Variants in MECOM observed in about 807,000 individuals in gnomAD.
The protein encoded by MECOM is MDS1 and EVI1 complex locus, also known as histone-lysine N-methyltransferase MECOM.
A neutral mutation model predicts 116.3 loss-of-function variants in MECOM; 13 were observed. That is an observed-to-expected ratio of 0.11 (90% CI 0.07 to 0.18). The LOEUF is 0.18. Ranked by LOEUF, MECOM falls within the 10% of genes least tolerant of loss-of-function variation. The probability of loss-of-function intolerance (pLI) is 1.00; values close to 1 mark genes in which losing one functional copy is unlikely to be tolerated. For synonymous variants in MECOM, 528 were observed against 535.2 expected, an observed-to-expected ratio of 0.99 and a Z score of 0.19; for missense variants, 1,299 against 1,509.0, an observed-to-expected ratio of 0.86 and a Z score of 2.31.
At chr3:169,604,424 G>C (rs1768250440) in intron 1 of MECOM, among the ~76,000 whole-genome samples, 1 of 142,202 alleles carries the variant, frequency 7.0e-6, no homozygotes, top group African/African-American at 2.5e-5. Flanking sequence ...TTAAGTGACT[G>C]GCCCATGCCC....
At chr3:169,392,762 C>A (rs1378858916) in intron 1 of MECOM, among the ~76,000 whole-genome samples, 1 of 152,142 alleles carries the variant, frequency 6.6e-6, no homozygotes, top group Non-Finnish European at 1.5e-5. Flanking sequence ...CTTAAGTTTG[C>A]TAGAACTATA....
At chr3:169,183,675 A>C (rs28477236) in intron 2 of MECOM, among the ~76,000 whole-genome samples, 26,599 of 150,622 alleles carry the variant, frequency 0.18, 2,751 homozygotes, top group East Asian at 0.43. Flanking sequence ...AGCCACTCCC[A>C]ACTTCCTGCC....
At chr3:169,613,127 T>G (rs1021906025) in intron 1 of MECOM, among the ~76,000 whole-genome samples, 1 of 152,236 alleles carries the variant, frequency 6.6e-6, no homozygotes, top group African/African-American at 2.4e-5. Flanking sequence ...AAAAATATTA[T>G]TTCAGTGGCA....
At chr3:169,464,736 C>A (rs968595269) in intron 1 of MECOM, among the ~76,000 whole-genome samples, 13 of 152,118 alleles carry the variant, frequency 8.5e-5, no homozygotes, top group African/African-American at 2.9e-4. Flanking sequence ...TAACTTCCCT[C>A]TGTATACAGC....
intron 12 of MECOM, among the ~76,000 whole-genome samples, chr3:169,099,984 C>T (rs1431590466): frequency 6.6e-6 from 1 of 151,416 alleles, no homozygotes; most frequent in Non-Finnish European, 1.5e-5. Flanking sequence ...ATAAAATTGC[C>T]CGTTTTTCTA....
intron 2 of MECOM, among the ~76,000 whole-genome samples, chr3:169,292,252 T>C (rs1343671872): frequency 6.6e-6 from 1 of 152,102 alleles, no homozygotes; most frequent in African/African-American, 2.4e-5. Flanking sequence ...GAGAATCATT[T>C]GAACCCAGGA....
intron 1 of MECOM, among the ~76,000 whole-genome samples, chr3:169,646,423 T>C (rs535570395): frequency 1.3e-5 from 2 of 151,948 alleles, no homozygotes; most frequent in African/African-American, 4.8e-5. Flanking sequence ...GTAACAAAAC[T>C]GCACGTTGTG....
intron 2 of MECOM, among the ~76,000 whole-genome samples, chr3:169,229,497 C>CA (rs377133098): frequency 4.6e-5 from 7 of 152,226 alleles, no homozygotes; most frequent in African/African-American, 1.7e-4. Flanking sequence ...AGGTTACTAT[C>CA]CTGGGTCAGT....
At chr3:169,097,038 T>C (rs970927806) in intron 12 of MECOM, among the ~76,000 whole-genome samples, 1 of 151,972 alleles carries the variant, frequency 6.6e-6, no homozygotes, top group South Asian at 2.1e-4. Flanking sequence ...CAAGGCCCAC[T>C]GCAATGAGAA....
intron 1 of MECOM, among the ~76,000 whole-genome samples, chr3:169,525,391 A>C (rs1291613541): frequency 1.3e-5 from 2 of 152,242 alleles, no homozygotes. Flanking sequence ...ATGCTCTGCT[A>C]TGTGAGTAAA....
chr3:169,446,486 T>C (rs529435227), intron 1 of MECOM, among the ~76,000 whole-genome samples: 16 of 152,288 alleles, frequency 1.1e-4, no homozygotes, highest in African/African-American at 3.6e-4. Context: ...GTCTCAGATA[T>C]GTCTTTATCA....
intron 2 of MECOM, among the ~76,000 whole-genome samples, chr3:169,210,112 G>T (rs112127703): frequency 0.023 from 3,486 of 152,112 alleles, 138 homozygotes; most frequent in African/African-American, 0.079. Context: ...GGAACAGAAA[G>T]CCAAACACCA....
chr3:169,204,948 A>T (rs545650543), intron 2 of MECOM, among the ~76,000 whole-genome samples: 10 of 152,322 alleles, frequency 6.6e-5, no homozygotes, highest in African/African-American at 2.4e-4. Context: ...AGTTCAGTGT[A>T]GACAACAGTG....
chr3:169,537,289 G>C (rs962530163), intron 1 of MECOM, among the ~76,000 whole-genome samples: 1 of 152,148 alleles, frequency 6.6e-6, no homozygotes, highest in African/African-American at 2.4e-5. Context: ...AACCCTGCCT[G>C]TATCTCTAGC....
At chr3:169,149,966 T>A (rs965528361) in intron 2 of MECOM, among the ~76,000 whole-genome samples, 3 of 150,184 alleles carry the variant, frequency 2.0e-5, no homozygotes, top group Admixed American at 6.6e-5. Flanking sequence ...TGTGTGTGTG[T>A]GTGTGTGTGT....
At chr3:169,178,859 G>C (rs1210231676) in intron 2 of MECOM, among the ~76,000 whole-genome samples, 1 of 152,064 alleles carries the variant, frequency 6.6e-6, no homozygotes, top group Admixed American at 6.6e-5. Context: ...TTTGTGAGGT[G>C]GCTAATCTTT....
intron 1 of MECOM, among the ~76,000 whole-genome samples, chr3:169,468,858 T>C (rs1578183598): frequency 6.6e-6 from 1 of 152,162 alleles, no homozygotes; most frequent in African/African-American, 2.4e-5. Flanking sequence ...GGGAACAGAC[T>C]CCCCTCATCT....
intron 2 of MECOM, among the ~76,000 whole-genome samples, chr3:169,187,950 T>G (rs1461817449): frequency 1.3e-5 from 2 of 152,160 alleles, no homozygotes; most frequent in African/African-American, 4.8e-5. Context: ...CTCTATCATT[T>G]GCTTCCCTCT....
At chr3:169,414,764 A>C (rs1738238931) in intron 1 of MECOM, among the ~76,000 whole-genome samples, 2 of 152,214 alleles carry the variant, frequency 1.3e-5, no homozygotes, top group Non-Finnish European at 2.9e-5. Context: ...CCAATCAATC[A>C]AGTGGAAGAA....
Sources: gnomAD v4.1 joint callset for allele counts (sites outside exome capture counted in the v4.1 genomes callset) on GRCh38, gnomAD v4.1.1 for gene constraint, MANE v1.5 for transcripts, NCBI Gene and HGNC (gene_info 2026-07-23, HGNC 2026-07-21) for gene names.